DSCAML1: variants seen among roughly 807,000 people sequenced by gnomAD.
DSCAML1 encodes the protein cell adhesion molecule DSCAML1.
In DSCAML1, 38 loss-of-function variants were observed where a neutral mutation model predicts 200.5. The observed-to-expected ratio is 0.19, with a 90% CI of 0.15 to 0.25. The LOEUF is 0.25. Among genes scored for constraint, DSCAML1 ranks in the 10% least tolerant of loss-of-function variants. The probability of loss-of-function intolerance (pLI) is 1.00; values close to 1 mark genes in which losing one functional copy is unlikely to be tolerated. For synonymous variants in DSCAML1, 1,215 were observed against 1,165.0 expected (o/e 1.04, Z -0.87); for missense variants, 2,223 against 2,858.8 (o/e 0.78, Z 5.07).
chr11:117,433,211 C>G lies in DSCAML1; in HGVS notation c.4953G>C (p.Gln1651His). The change falls in exon 29 of 33, where the codon CAG becomes CAC. Residue 1651 changes from glutamine (Q) to histidine (H), a missense_variant. Transcript: ENST00000651296. ...SFDTPVKGPP[Q>H]GPRLHIDIPR... is the part of the protein sequence containing the mutation. ...GGATGTCAATGTGTAGCCGTGGGCC[C>G]TGGGGTGGCCCTTTCACAGGGGTGT... is the stretch of plus-strand genomic sequence containing the variant. 1 of 1,613,698 alleles carries G rather than the reference C, an allele frequency of 6.2e-7. No individual in the cohort carries two copies. The highest frequency in any genetic ancestry group is 8.5e-7 in the Non-Finnish European group (1 of 1,179,794).
At chr11:117,470,354 T>C (rs946404865) in intron 15 of DSCAML1, among the ~76,000 whole-genome samples, 4 of 152,148 alleles carry the variant, frequency 2.6e-5, no homozygotes, top group Admixed American at 6.5e-5. Flanking sequence ...GGCGGGCGGA[T>C]CACGAGGTCA....
chr11:117,498,854 TAAATC>T lies in DSCAML1; in HGVS notation c.2359+4986_2359+4990del, dbSNP rs149033907. ...TTGGTCTGACATTTTGCTAAACAAATAAATCAAAACTCAGACCAAACAAAGAGCCC... is the reference window on the plus strand; with the variant it reads ...TTGGTCTGACATTTTGCTAAACAAATAAAACTCAGACCAAACAAAGAGCCC... On this transcript the variant is annotated intron_variant, in intron 11 of 32. Coordinates refer to ENST00000651296, the MANE Select transcript of DSCAML1 (RefSeq NM_020693.4). This position sits in a 1 kb window ranked among gnomAD's most constrained non-coding sequence, Gnocchi z 4.0. Among the ~76,000 whole-genome samples, 1,112 of 152,272 alleles carry T rather than the reference TAAATC, an allele frequency of 7.3e-3. 11 individuals carry two copies. The highest frequency in any genetic ancestry group is 0.012 in the Non-Finnish European group (848 of 68,002).
chr11:117,615,429 GA>G (rs1346236625), intron 3 of DSCAML1, among the ~76,000 whole-genome samples: 1 of 152,150 alleles, frequency 6.6e-6, no homozygotes, highest in Non-Finnish European at 1.5e-5. Flanking sequence ...CTTCTGACCA[GA>G]ACCAGTTTAT....
chr11:117,517,013 C>CA (rs1565758033), intron 7 of DSCAML1, among the ~76,000 whole-genome samples: 2 of 152,182 alleles, frequency 1.3e-5, no homozygotes, highest in African/African-American at 4.8e-5. Context: ...GGCCAAGAGC[C>CA]ATTCCCCTCG....
In DSCAML1 at chr11:117,547,430, G is replaced by A. The variant is rs768442898; in HGVS notation, c.512-14908C>T. 6.0e-4 allele frequency among the ~76,000 whole-genome samples: 92 copies of A among 152,252 alleles called. 1 individual carries two copies. The highest frequency in any genetic ancestry group is 1.0e-3 in the Non-Finnish European group (71 of 68,004). ...GATGGCAGCTGCCCGCCCTTGGCTC[G>A]CTTCTAAGGCGCGGCCCCACCCTTC... On this transcript the variant is annotated intron_variant, in intron 3 of 32. Transcript: ENST00000651296.
intron 1 of DSCAML1, 143 bp downstream of exon 1, chr11:117,796,891 C>T (rs867619703): frequency 2.0e-6 from 1 of 505,312 alleles, no homozygotes; most frequent in Non-Finnish European, 3.1e-6. Flanking sequence ...GTGCCTGCCC[C>T]TCCCCGCTGC....
Position 117,488,659 on chromosome 11 carries a change from C to T in DSCAML1, c.2360-6497G>A, listed in dbSNP as rs77890815. Among the ~76,000 whole-genome samples, 307 of 152,294 alleles carry T rather than the reference C, an allele frequency of 2.0e-3. 1 individual carries two copies. Among genetic ancestry groups the T allele is most frequent in the African/African-American group, 6.2e-3 (259 of 41,554 alleles). ...GACACCCTTACCATAAACCCATGGA[C>T]GGCATTACACACACATAACCCGATG... On this transcript the variant is annotated intron_variant, in intron 11 of 32. Transcript: ENST00000651296.
intron 14 of DSCAML1, among the ~76,000 whole-genome samples, chr11:117,478,989 C>G (rs531578011): frequency 8.5e-5 from 13 of 152,238 alleles, no homozygotes; most frequent in Non-Finnish European, 1.6e-4. Context: ...ACATGTGTAT[C>G]AAAGATGACT....
At chr11:117,431,813 G>A in intron 30 of DSCAML1, 85 bp from the exon 31 acceptor site, 1 of 1,343,628 alleles carries the variant, frequency 7.4e-7, no homozygotes, top group Non-Finnish European at 1.0e-6. Flanking sequence ...AAGGGCAGGG[G>A]GGAGCAAGGG....
intron 3 of DSCAML1, among the ~76,000 whole-genome samples, chr11:117,682,339 T>C (rs117493812): frequency 6.6e-6 from 1 of 152,256 alleles, no homozygotes; most frequent in East Asian, 1.9e-4. Context: ...GCTCCAGCCA[T>C]GAACTTGAAC....
chr11:117,547,241 C>T (rs987199096), intron 3 of DSCAML1, among the ~76,000 whole-genome samples: 2 of 152,208 alleles, frequency 1.3e-5, no homozygotes, highest in African/African-American at 4.8e-5. Context: ...TTATGTTTCC[C>T]GCTGGGGGTG....
At chr11:117,640,350 T>C (rs1158806475) in intron 3 of DSCAML1, among the ~76,000 whole-genome samples, 2 of 152,230 alleles carry the variant, frequency 1.3e-5, no homozygotes, top group African/African-American at 2.4e-5. Context: ...CTGACCTATG[T>C]GACCTGCTTT....
intron 1 of DSCAML1, among the ~76,000 whole-genome samples, chr11:117,784,370 T>G (rs932799028): frequency 5.9e-5 from 9 of 152,306 alleles, no homozygotes; most frequent in African/African-American, 2.2e-4. Context: ...AGCCTCGCCC[T>G]GCCTGCCAAG....
At chr11:117,627,069 T>C (rs1478353926) in intron 3 of DSCAML1, among the ~76,000 whole-genome samples, 2 of 152,164 alleles carry the variant, frequency 1.3e-5, no homozygotes, top group East Asian at 3.9e-4. Flanking sequence ...CCTCGAATGG[T>C]ATAGGTCATT....
chr11:117,665,970 C>T (rs1175909963), intron 3 of DSCAML1, among the ~76,000 whole-genome samples: 2 of 152,156 alleles, frequency 1.3e-5, no homozygotes, highest in Admixed American at 6.5e-5. Context: ...AGTCCAGGAC[C>T]CTCTCTCTCT....
intron 3 of DSCAML1, among the ~76,000 whole-genome samples, chr11:117,616,857 G>A (rs541903912): frequency 7.1e-4 from 108 of 152,260 alleles, no homozygotes; most frequent in East Asian, 3.1e-3. Flanking sequence ...TGGCCCAACC[G>A]TGATTGACTT....
chr11:117,564,089 A>G (rs1050848467), intron 3 of DSCAML1, among the ~76,000 whole-genome samples: 4 of 152,200 alleles, frequency 2.6e-5, no homozygotes, highest in Non-Finnish European at 5.9e-5. Context: ...ATAGTTTTCC[A>G]TGTCACCAAG....
At chr11:117,473,539 T>C (rs1430201407) in intron 14 of DSCAML1, among the ~76,000 whole-genome samples, 1 of 151,988 alleles carries the variant, frequency 6.6e-6, no homozygotes, top group Non-Finnish European at 1.5e-5. Flanking sequence ...AAAAACGTAA[T>C]GCCTGATAAA....
rs114513662 is a variant in DSCAML1 at position 117,706,145 on chromosome 11, G to A, written c.511+70646C>T. On this transcript the variant is annotated intron_variant, in intron 3 of 32. Coordinates refer to ENST00000651296, the MANE Select transcript of DSCAML1 (RefSeq NM_020693.4). ...GCAGCTCATCTCCTCACACCAATCC[G>A]GATTTCTGCCCAGCACCAAAATCAC... Among the ~76,000 whole-genome samples the A allele has an allele frequency of 5.9e-3, 903 of 152,232 alleles. 7 individuals are homozygous for A. The highest frequency in any genetic ancestry group is 0.02 in the African/African-American group (848 of 41,538).
Sources: allele counts gnomAD v4.1 joint callset (sites outside exome capture counted in the v4.1 genomes callset), GRCh38; gene constraint gnomAD v4.1.1; non-coding constraint Gnocchi (gnomAD v3.1); transcripts MANE v1.5; gene names NCBI Gene and HGNC (gene_info 2026-07-23, HGNC 2026-07-21).